The following SPIDR variants were observed in gnomAD, a reference collection of about 807,000 sequenced individuals.
The protein encoded by SPIDR is scaffold protein involved in DNA repair.
In SPIDR, 93 loss-of-function variants were observed where a neutral mutation model predicts 104.6. The observed-to-expected ratio is 0.89, with a 90% CI of 0.75 to 1.06. The LOEUF is 1.06. Ranked by LOEUF, SPIDR falls within the 50% of genes least tolerant of loss-of-function variation. The probability of loss-of-function intolerance (pLI) is 0.00; values close to 1 mark genes in which losing one functional copy is unlikely to be tolerated. For missense variants in SPIDR, 1,154 were observed against 1,111.2 expected (o/e 1.04, Z -0.55); for synonymous variants, 431 against 416.9 (o/e 1.03, Z -0.41).
At chr8:47,283,772 T>C (rs1254180478) in intron 2 of SPIDR, among the ~76,000 whole-genome samples, 1 of 152,166 alleles carries the variant, frequency 6.6e-6, no homozygotes, top group Non-Finnish European at 1.5e-5. Context: ...TGGAGTCACA[T>C]GTATGAGCAG....
intron 8 of SPIDR, among the ~76,000 whole-genome samples, chr8:47,526,389 T>G (rs2084990515): frequency 6.6e-6 from 1 of 152,154 alleles, no homozygotes; most frequent in Non-Finnish European, 1.5e-5. Flanking sequence ...TGCTAGGTGC[T>G]AAGAGAGAAA....
intron 10 of SPIDR, among the ~76,000 whole-genome samples, chr8:47,651,849 A>T (rs77304259): frequency 6.6e-6 from 1 of 152,224 alleles, no homozygotes; most frequent in Non-Finnish European, 1.5e-5. Context: ...GAAGTAACTC[A>T]GGAATGGAAA....
rs185715102 is a variant in SPIDR at position 47,733,287 on chromosome 8, T to C, written c.2605-2020T>C. 1.2e-3 allele frequency among the ~76,000 whole-genome samples: 183 copies of C among 152,280 alleles called. 1 individual carries two copies. The highest frequency in any genetic ancestry group is 4.3e-3 in the African/African-American group (179 of 41,558). ...CTGTAATCCCAGCTACTTGGAAGGC[T>C]GAGGCAGGAGAACTGCTTGAACCCA... On this transcript the variant is annotated intron_variant, in intron 19 of 19. Transcript: ENST00000297423.
chr8:47,534,676 G>C (rs1231382770), intron 8 of SPIDR, among the ~76,000 whole-genome samples: 2 of 151,972 alleles, frequency 1.3e-5, no homozygotes, highest in Non-Finnish European at 2.9e-5. Flanking sequence ...ATAACTGTTG[G>C]GTACTGGGCC....
intron 11 of SPIDR, among the ~76,000 whole-genome samples, chr8:47,675,311 C>G (rs2076282368): frequency 1.3e-5 from 2 of 152,322 alleles, no homozygotes; most frequent in Non-Finnish European, 2.9e-5. Flanking sequence ...GCTGGGATTA[C>G]AGGCGTGAGC....
At chr8:47,427,399 T>C (rs2066592434) in intron 7 of SPIDR, among the ~76,000 whole-genome samples, 1 of 151,990 alleles carries the variant, frequency 6.6e-6, no homozygotes, top group African/African-American at 2.4e-5. Flanking sequence ...TGTGAAGTGA[T>C]AGAAAACTCC....
At chr8:47,626,760 A>G (rs1419455393) in intron 10 of SPIDR, among the ~76,000 whole-genome samples, 1 of 152,202 alleles carries the variant, frequency 6.6e-6, no homozygotes, top group Non-Finnish European at 1.5e-5. Flanking sequence ...GAGGATGTGG[A>G]GAAATAGGAA....
At chr8:47,335,921 C>CT (rs1216183751) in intron 5 of SPIDR, among the ~76,000 whole-genome samples, 3,201 of 137,870 alleles carry the variant, frequency 0.023, 115 homozygotes, top group African/African-American at 0.078. Context: ...TAAGTTTTTG[C>CT]TTTTTTTTTT....
intron 10 of SPIDR, among the ~76,000 whole-genome samples, chr8:47,665,244 C>T (rs943666395): frequency 2.0e-5 from 3 of 152,206 alleles, no homozygotes; most frequent in African/African-American, 7.2e-5. Context: ...GACAGTCTAG[C>T]TGACTTCTCA....
intron 7 of SPIDR, among the ~76,000 whole-genome samples, chr8:47,428,501 A>G (rs1210792907): frequency 6.6e-6 from 1 of 152,222 alleles, no homozygotes; most frequent in Non-Finnish European, 1.5e-5. Context: ...TTAAACCCAG[A>G]AAAGGTAGGT....
At chr8:47,263,336 T>TG (rs1439694050) in intron 1 of SPIDR, among the ~76,000 whole-genome samples, 1 of 152,210 alleles carries the variant, frequency 6.6e-6, no homozygotes, top group Non-Finnish European at 1.5e-5. Flanking sequence ...TGGTGGTAAT[T>TG]GCGTATGTTC....
In SPIDR at chr8:47,291,087, G is replaced by A; in HGVS notation, c.311G>A (p.Ser104Asn). The A allele has an allele frequency of 1.9e-6, 3 of 1,613,384 alleles. No individual in the cohort carries two copies. The highest frequency in any genetic ancestry group is 2.5e-6 in the Non-Finnish European group (3 of 1,179,572). Reference sequence around the variant, plus strand: ...CTTACAGACATAACATGGAGCTCCAGTGGAAGTGATTTGTCGGATGAAGAT... The same window carrying A: ...CTTACAGACATAACATGGAGCTCCAATGGAAGTGATTTGTCGGATGAAGAT... ...SGLTDITWSS[S>N]GSDLSDEDKT... is the part of the protein sequence containing the mutation. Residue 104 changes from serine to asparagine, a missense_variant, in exon 4 of 20, where the codon AGT (serine) becomes AAT (asparagine). By Grantham distance (46) the Ser-to-Asn change is conservative (BLOSUM62 1). Coordinates refer to ENST00000297423, the MANE Select transcript of SPIDR (RefSeq NM_001080394.4).
chr8:47,693,780 C>G (rs1192673250), intron 11 of SPIDR, among the ~76,000 whole-genome samples: 3 of 152,200 alleles, frequency 2.0e-5, no homozygotes, highest in Admixed American at 6.5e-5. Context: ...TGTGCCTCTT[C>G]TCACCTATGT....
chr8:47,545,925 T>G (rs1463630999), intron 8 of SPIDR, among the ~76,000 whole-genome samples: 1 of 152,200 alleles, frequency 6.6e-6, no homozygotes, highest in Non-Finnish European at 1.5e-5. Context: ...TGTGGTAGAT[T>G]ACATAGATTG....
intron 8 of SPIDR, among the ~76,000 whole-genome samples, chr8:47,539,367 G>T (rs951021111): frequency 6.6e-6 from 1 of 152,108 alleles, no homozygotes; most frequent in African/African-American, 2.4e-5. Flanking sequence ...GGTATGCAGT[G>T]CCCAGAGCGA....
At chr8:47,395,089 C>T (rs190779164) in intron 5 of SPIDR, among the ~76,000 whole-genome samples, 20 of 152,122 alleles carry the variant, frequency 1.3e-4, no homozygotes, top group African/African-American at 4.6e-4. Flanking sequence ...TGGTTCATGC[C>T]TGTTATCCCA....
chr8:47,676,778 C>T (rs980056892), intron 11 of SPIDR, among the ~76,000 whole-genome samples: 1 of 152,174 alleles, frequency 6.6e-6, no homozygotes. Context: ...GATGAAATAT[C>T]ACTCAGCCCT....
chr8:47,585,979 A>G (rs957660592), intron 8 of SPIDR, among the ~76,000 whole-genome samples: 6 of 152,246 alleles, frequency 3.9e-5, no homozygotes, highest in Admixed American at 2.0e-4. Context: ...AGCAACCAAA[A>G]TATGCTCTCC....
intron 8 of SPIDR, among the ~76,000 whole-genome samples, chr8:47,539,738 T>C (rs1371307548): frequency 6.6e-6 from 1 of 151,778 alleles, no homozygotes; most frequent in Non-Finnish European, 1.5e-5. Context: ...GGTCCTTCAC[T>C]TTTCTTCTTA....
Sources: gnomAD v4.1 joint callset for allele counts (sites outside exome capture counted in the v4.1 genomes callset) on GRCh38, gnomAD v4.1.1 for gene constraint, MANE v1.5 for transcripts, NCBI Gene and HGNC (gene_info 2026-07-23, HGNC 2026-07-21) for gene names.